The following FAM216A variants were observed in gnomAD, a reference collection of about 807,000 sequenced individuals.
FAM216A encodes family with sequence similarity 216 member A.
In FAM216A, 26 loss-of-function variants were observed where a neutral mutation model predicts 37.6. That is an observed-to-expected ratio of 0.69 (90% CI 0.51 to 0.96). The LOEUF is 0.96. Among genes scored for constraint, FAM216A ranks in the 40% least tolerant of loss-of-function variants. The pLI, the probability that FAM216A is intolerant of heterozygous loss-of-function variation, is 0.00. For missense variants in FAM216A, 326 were observed against 339.3 expected, an observed-to-expected ratio of 0.96 and a Z score of 0.31; for synonymous variants, 110 against 121.7, an observed-to-expected ratio of 0.90 and a Z score of 0.64.
At chr12:110,477,827 C>T (rs2135546661) in intron 2 of FAM216A, among the ~76,000 whole-genome samples, 1 of 152,172 alleles carries the variant, frequency 6.6e-6, no homozygotes. Flanking sequence ...CCTGCCTCAG[C>T]CTCCCGAGTA....
rs182042993 is a variant in FAM216A at position 110,474,076 on chromosome 12, A to G, written c.184+958A>G. 3.6e-3 allele frequency among the ~76,000 whole-genome samples: 544 copies of G among 152,186 alleles called. 2 individuals are homozygous for G. The highest frequency in any genetic ancestry group is 0.012 in the African/African-American group (499 of 41,544). ...TATATAGTCATTACAGTTACCTGGG[A>G]AAAAAATATACAGACATATATGTGT... On this transcript the variant is annotated intron_variant, in intron 2 of 6. Coordinates refer to ENST00000377673, the MANE Select transcript of FAM216A (RefSeq NM_013300.3).
At chr12:110,482,133 G>A (rs2062750594) in intron 2 of FAM216A, among the ~76,000 whole-genome samples, 1 of 151,788 alleles carries the variant, frequency 6.6e-6, no homozygotes, top group Non-Finnish European at 1.5e-5. Flanking sequence ...CCAGGCTGGA[G>A]TGCAGTGTTG....
chr12:110,478,337 C>T (rs2062726386), intron 2 of FAM216A, among the ~76,000 whole-genome samples: 2 of 152,144 alleles, frequency 1.3e-5, no homozygotes, highest in Non-Finnish European at 2.9e-5. Context: ...CTCCAAAGAG[C>T]CTGTGGTAGG....
chr12:110,488,128 G>A (rs751566719), intron 6 of FAM216A, among the ~76,000 whole-genome samples, 185 bp downstream of exon 6: 2 of 151,854 alleles, frequency 1.3e-5, no homozygotes, highest in Non-Finnish European at 1.5e-5. Context: ...GAACATACTG[G>A]GCCAGGCGCC....
At position 110,485,251 on chromosome 12, in the gene FAM216A, G is replaced by A. The variant is rs539886809; in HGVS notation, c.306+52G>A. On this transcript the variant is annotated intron_variant, in intron 3 of 6. Coordinates refer to ENST00000377673, the MANE Select transcript of FAM216A (RefSeq NM_013300.3). ...ACCAATACTCTTTGTATTCAGAGCCGAACTTTTTACTGAAGATCAGCTGCT... is the reference window on the plus strand; with the variant it reads ...ACCAATACTCTTTGTATTCAGAGCCAAACTTTTTACTGAAGATCAGCTGCT... 6.1e-5 allele frequency: 94 copies of A among 1,544,344 alleles called. 1 individual carries two copies. Among genetic ancestry groups the A allele is most frequent in the South Asian group, 3.1e-4 (25 of 80,654 alleles).
intron 2 of FAM216A, among the ~76,000 whole-genome samples, chr12:110,475,886 G>A (rs1270585158): frequency 6.6e-6 from 1 of 151,706 alleles, no homozygotes; most frequent in Non-Finnish European, 1.5e-5. Context: ...ACAGGCATGC[G>A]CCACCACACC....
chr12:110,488,108 G>T (rs1279926598), intron 6 of FAM216A, among the ~76,000 whole-genome samples, 165 bp downstream of exon 6: 1 of 152,072 alleles, frequency 6.6e-6, no homozygotes. Context: ...GTTTATGCTT[G>T]CAATTAAAAG....
intron 2 of FAM216A, among the ~76,000 whole-genome samples, chr12:110,483,210 G>C (rs2062758075): frequency 6.6e-6 from 1 of 152,004 alleles, no homozygotes; most frequent in Admixed American, 6.6e-5. Flanking sequence ...TGTAGTCCCA[G>C]CTACTCAGGA....
chr12:110,476,816 C>T (rs911362655), intron 2 of FAM216A, among the ~76,000 whole-genome samples: 2 of 152,106 alleles, frequency 1.3e-5, no homozygotes, highest in South Asian at 2.1e-4. Flanking sequence ...TGTGAGCCAC[C>T]GCGCCCGGCC....
At chr12:110,486,503 A>T (rs764240801) in intron 4 of FAM216A, 31 bp from the exon 5 acceptor site, 2 of 1,608,060 alleles carry the variant, frequency 1.2e-6, no homozygotes, top group South Asian at 2.2e-5. Context: ...AATTAGTGAG[A>T]GGGTCTTTTA....
intron 2 of FAM216A, among the ~76,000 whole-genome samples, chr12:110,484,756 CTT>C (rs778085355): frequency 4.9e-5 from 7 of 143,620 alleles, no homozygotes; most frequent in Non-Finnish European, 6.1e-5. Context: ...ATATCTAGAT[CTT>C]TTTTTTTTTT....
chr12:110,472,968 C>A, intron 1 of FAM216A, 110 bp from the exon 2 acceptor site: 1 of 382,254 alleles, frequency 2.6e-6, no homozygotes, highest in Admixed American at 4.4e-5. Flanking sequence ...AAAGTGAGAC[C>A]CTGTCTCAAA....
upstream of FAM216A, chr12:110,468,489 A>G (rs1005471548): frequency 1.3e-6 from 2 of 1,537,070 alleles, no homozygotes; most frequent in African/African-American, 1.4e-5. Flanking sequence ...ATAACGGACA[A>G]CAGATAAAGC....
intron 5 of FAM216A, 28 bp from the exon 6 acceptor site, chr12:110,487,833 C>T (rs1565855060): frequency 7.1e-7 from 1 of 1,404,878 alleles, no homozygotes; most frequent in Non-Finnish European, 1.0e-6. Context: ...TTTGCTGGCT[C>T]CAACTAAGAT....
chr12:110,469,979 T>A (rs994083662), intron 1 of FAM216A, among the ~76,000 whole-genome samples: 10 of 152,194 alleles, frequency 6.6e-5, no homozygotes, highest in African/African-American at 2.4e-4. Flanking sequence ...TTGAAGTCAC[T>A]GCTGGAGACT....
intron 5 of FAM216A, chr12:110,486,998 T>C (rs1036605040): frequency 1.4e-5 from 5 of 346,464 alleles, no homozygotes; most frequent in East Asian, 1.1e-4. Context: ...CCCAAAGCAC[T>C]GGGATTACAG....
intron 1 of FAM216A, among the ~76,000 whole-genome samples, chr12:110,472,480 G>A (rs1200919914): frequency 2.0e-5 from 3 of 151,920 alleles, no homozygotes; most frequent in Admixed American, 6.6e-5. Flanking sequence ...GATCGTTTGA[G>A]CCCAGGATTT....
At chr12:110,473,219 CT>C (rs367919339) in intron 2 of FAM216A, 101 bp downstream of exon 2, 4,137 of 498,832 alleles carry the variant, frequency 8.3e-3, no homozygotes, top group Middle Eastern at 0.013. Flanking sequence ...TTTCTTTTTT[CT>C]TTTTTTTTTG....
chr12:110,489,425 A>T (rs1330538251), intron 6 of FAM216A, among the ~76,000 whole-genome samples: 2 of 151,642 alleles, frequency 1.3e-5, no homozygotes, highest in Non-Finnish European at 1.5e-5. Flanking sequence ...AATGGCGTGA[A>T]CCTGGGAGGC....
Sources: gnomAD v4.1 joint callset for allele counts (sites outside exome capture counted in the v4.1 genomes callset) on GRCh38, gnomAD v4.1.1 for gene constraint, MANE v1.5 for transcripts, NCBI Gene and HGNC (gene_info 2026-07-23, HGNC 2026-07-21) for gene names.